MGAT4C: variants seen among roughly 807,000 people sequenced by gnomAD.
MGAT4C encodes alpha-1,3-mannosyl-glycoprotein 4-beta-N-acetylglucosaminyltransferase C.
In MGAT4C, 19 loss-of-function variants were observed where a neutral mutation model predicts 40.1. The observed-to-expected ratio is 0.47, with a 90% confidence interval of 0.33 to 0.70. The LOEUF (loss-of-function observed/expected upper bound fraction) is 0.70, where lower values mean the gene tolerates loss of function less well. Among genes scored for constraint, MGAT4C ranks in the 30% least tolerant of loss-of-function variants. The pLI, the probability that MGAT4C is intolerant of heterozygous loss-of-function variation, is 0.02. For synonymous variants in MGAT4C, 181 were observed against 187.1 expected (o/e 0.97, Z 0.27); for missense variants, 491 against 563.2 (o/e 0.87, Z 1.30).
intron 2 of MGAT4C, among the ~76,000 whole-genome samples, chr12:86,564,196 C>A (rs986981449): frequency 2.6e-5 from 4 of 152,100 alleles, no homozygotes; most frequent in Admixed American, 2.0e-4. Context: ...GTAAGCTTAA[C>A]CAGGTAGTAA....
chr12:86,145,158 T>C (rs778062583), intron 1 of MGAT4C, among the ~76,000 whole-genome samples: 2 of 152,200 alleles, frequency 1.3e-5, no homozygotes, highest in African/African-American at 2.4e-5. Context: ...CTAAAACTTA[T>C]ATCGCTATCC....
intron 2 of MGAT4C, among the ~76,000 whole-genome samples, chr12:86,445,047 T>A (rs1179086899): frequency 6.6e-6 from 1 of 152,134 alleles, no homozygotes; most frequent in Non-Finnish European, 1.5e-5. Context: ...AGAATTGGTG[T>A]GAGGAATTGC....
At chr12:86,674,645 G>A (rs958846070) in intron 2 of MGAT4C, among the ~76,000 whole-genome samples, 3 of 151,984 alleles carry the variant, frequency 2.0e-5, no homozygotes, top group African/African-American at 7.2e-5. Flanking sequence ...GCAGTGAGCC[G>A]AGATCATGCC....
At chr12:86,319,817 G>T (rs368863161) in intron 4 of MGAT4C, among the ~76,000 whole-genome samples, 1 of 152,084 alleles carries the variant, frequency 6.6e-6, no homozygotes, top group African/African-American at 2.4e-5. Flanking sequence ...AAAGTTGAAA[G>T]GGGCTGAATT....
intron 3 of MGAT4C, among the ~76,000 whole-genome samples, chr12:86,335,517 A>T (rs1356421888): frequency 6.6e-6 from 1 of 152,104 alleles, no homozygotes; most frequent in African/African-American, 2.4e-5. Flanking sequence ...CCTCTGGTAG[A>T]ATGGTTTCTT....
At chr12:86,329,657 G>A (rs12303046) in intron 4 of MGAT4C, among the ~76,000 whole-genome samples, 6 of 151,974 alleles carry the variant, frequency 3.9e-5, no homozygotes, top group East Asian at 1.9e-4. Context: ...TGTCTCATTC[G>A]TCTTAATACT....
chr12:86,601,395 GTGAACCAATTAGCA>G (rs1047271019), intron 2 of MGAT4C: 28 of 151,868 alleles, frequency 1.8e-4, no homozygotes, highest in African/African-American at 6.5e-4. Context: ...CATCCTACCC[GTGAACCAATTAGCA>G]TGAACTTCCT....
At chr12:86,519,263 C>G (rs975606528) in intron 2 of MGAT4C, among the ~76,000 whole-genome samples, 1 of 152,124 alleles carries the variant, frequency 6.6e-6, no homozygotes, top group African/African-American at 2.4e-5. Context: ...GAATAACATT[C>G]CATTGTGTAT....
intron 4 of MGAT4C, among the ~76,000 whole-genome samples, chr12:86,305,996 T>C (rs2136144794): frequency 6.6e-6 from 1 of 150,738 alleles, no homozygotes; most frequent in East Asian, 1.9e-4. Context: ...ATTATATCTT[T>C]AATGTATATC....
At chr12:86,264,190 TCA>T (rs1952728816) in intron 4 of MGAT4C, among the ~76,000 whole-genome samples, 1 of 152,174 alleles carries the variant, frequency 6.6e-6, no homozygotes, top group African/African-American at 2.4e-5. Context: ...TAGTTTAAGT[TCA>T]GTTTGTCTAT....
At chr12:86,124,927 C>G (rs997097769) in intron 1 of MGAT4C, among the ~76,000 whole-genome samples, 1 of 152,026 alleles carries the variant, frequency 6.6e-6, no homozygotes, top group Non-Finnish European at 1.5e-5. Flanking sequence ...TTCTAAAAAC[C>G]AGGAAAAGAT....
intron 1 of MGAT4C, among the ~76,000 whole-genome samples, chr12:86,077,913 G>A (rs1378541554): frequency 6.6e-6 from 1 of 152,190 alleles, no homozygotes; most frequent in Non-Finnish European, 1.5e-5. Context: ...TGACTTAAAT[G>A]CAGAAGGAGC....
In MGAT4C at chr12:86,067,527, G is replaced by T. The variant is rs148132401; in HGVS notation, c.-56-17804C>A. Among the ~76,000 whole-genome samples, 1,145 of 151,776 alleles carry T rather than the reference G, an allele frequency of 7.5e-3. 12 individuals carry two copies. The highest frequency in any genetic ancestry group is 0.026 in the African/African-American group (1,065 of 41,352). Reference sequence around the variant, plus strand: ...AACGATGAGAACACATGGACATAGGGAGGGGAACATCACACACCGGGGCCT... The same window carrying T: ...AACGATGAGAACACATGGACATAGGTAGGGGAACATCACACACCGGGGCCT... On this transcript the variant is annotated intron_variant, in intron 1 of 4. Transcript: ENST00000611864.
At chr12:86,085,176 T>C (rs2135552950) in intron 1 of MGAT4C, among the ~76,000 whole-genome samples, 1 of 152,222 alleles carries the variant, frequency 6.6e-6, no homozygotes, top group East Asian at 1.9e-4. Context: ...TATGGACAGT[T>C]TCTTTTACTG....
At chr12:86,612,709 C>T (rs1962325880) in intron 2 of MGAT4C, among the ~76,000 whole-genome samples, 1 of 143,166 alleles carries the variant, frequency 7.0e-6, no homozygotes, top group Non-Finnish European at 1.5e-5. Flanking sequence ...CACTGCACTC[C>T]AGCCTGGGCA....
chr12:86,263,630 G>A (rs1952713932), intron 4 of MGAT4C, among the ~76,000 whole-genome samples: 3 of 152,154 alleles, frequency 2.0e-5, no homozygotes. Context: ...GTGCTGCGAT[G>A]AGCCTATCAG....
chr12:86,361,588 C>T (rs1352668987), intron 3 of MGAT4C, among the ~76,000 whole-genome samples: 1 of 152,212 alleles, frequency 6.6e-6, no homozygotes, highest in Non-Finnish European at 1.5e-5. Context: ...ATCTACCCAT[C>T]TGACAAAGGG....
intron 2 of MGAT4C, among the ~76,000 whole-genome samples, chr12:86,721,113 GA>G (rs1284545740): frequency 6.6e-6 from 1 of 152,092 alleles, no homozygotes; most frequent in African/African-American, 2.4e-5. Context: ...ACTCATGCTT[GA>G]AAAACTAAAG....
chr12:86,466,442 G>T (rs1957684259), intron 2 of MGAT4C, among the ~76,000 whole-genome samples: 3 of 152,122 alleles, frequency 2.0e-5, no homozygotes, highest in Non-Finnish European at 1.5e-5. Context: ...ATCTGAAAAG[G>T]CTACATAGTT....
Sources: allele counts gnomAD v4.1 joint callset (sites outside exome capture counted in the v4.1 genomes callset), GRCh38; gene constraint gnomAD v4.1.1; transcripts MANE v1.5; gene names NCBI Gene and HGNC (gene_info 2026-07-23, HGNC 2026-07-21).